Variants in ATXN1 observed in about 807,000 individuals in gnomAD.
ATXN1 encodes ataxin 1.
ATXN1 carries 8 observed loss-of-function variants against 56.4 expected under a neutral mutation model. The observed-to-expected ratio is 0.14, with a 90% CI of 0.08 to 0.26. ATXN1 has a LOEUF of 0.26. Among genes scored for constraint, ATXN1 ranks in the 10% least tolerant of loss-of-function variants. The pLI, the probability that ATXN1 is intolerant of heterozygous loss-of-function variation, is 1.00. For missense variants in ATXN1, 987 were observed against 1,106.5 expected (o/e 0.89, Z 1.53); for synonymous variants, 514 against 494.6 (o/e 1.04, Z -0.52).
intron 2 of ATXN1, chr6:16,667,142 C>T (rs940902500): frequency 2.6e-5 from 4 of 152,156 alleles, no homozygotes; most frequent in Non-Finnish European, 5.9e-5. Context: ...TATTACCCGC[C>T]TTCTAATAAA....
chr6:16,340,495 T>C (rs1761221351), intron 6 of ATXN1, among the ~76,000 whole-genome samples: 1 of 152,224 alleles, frequency 6.6e-6, no homozygotes, highest in Non-Finnish European at 1.5e-5. Flanking sequence ...ACCTCTCCTA[T>C]ATGCCTCTTA....
chr6:16,418,302 G>A (rs759969500), intron 6 of ATXN1, among the ~76,000 whole-genome samples: 1 of 152,204 alleles, frequency 6.6e-6, no homozygotes, highest in South Asian at 2.1e-4. Context: ...TTAATCCCTG[G>A]CTCCTGGCAA....
At chr6:16,356,799 G>A (rs1252501014) in intron 6 of ATXN1, among the ~76,000 whole-genome samples, 1 of 152,144 alleles carries the variant, frequency 6.6e-6, no homozygotes, top group Non-Finnish European at 1.5e-5. Flanking sequence ...CTTGAAGACA[G>A]CAAACTAATT....
chr6:16,758,482 T>C (rs1760955183), intron 1 of ATXN1, among the ~76,000 whole-genome samples: 1 of 152,230 alleles, frequency 6.6e-6, no homozygotes, highest in African/African-American at 2.4e-5. Flanking sequence ...GAACAGCTTG[T>C]TGGTCTCCTT....
intron 6 of ATXN1, among the ~76,000 whole-genome samples, chr6:16,375,135 C>T (rs1196599438): frequency 6.6e-6 from 1 of 152,218 alleles, no homozygotes; most frequent in Non-Finnish European, 1.5e-5. Flanking sequence ...CCAGCAAAGA[C>T]AGCCTGGACG....
At chr6:16,589,614 GGTT>G (rs1405169664) in intron 3 of ATXN1, among the ~76,000 whole-genome samples, 2 of 152,024 alleles carry the variant, frequency 1.3e-5, no homozygotes, top group Non-Finnish European at 2.9e-5. Flanking sequence ...TACCTCACAG[GGTT>G]GTTACGAGAG....
chr6:16,507,075 T>A (rs1047441811), intron 5 of ATXN1, among the ~76,000 whole-genome samples: 1 of 152,230 alleles, frequency 6.6e-6, no homozygotes, highest in East Asian at 1.9e-4. Flanking sequence ...CAGATCATCA[T>A]GCTTTAAGCC....
At chr6:16,562,092 AG>A (rs1366207565) in intron 4 of ATXN1, among the ~76,000 whole-genome samples, 1 of 152,172 alleles carries the variant, frequency 6.6e-6, no homozygotes, top group East Asian at 1.9e-4. Context: ...AGAAACAAAT[AG>A]GCTGATGCAG....
At chr6:16,754,164 A>C (rs1351970317) in intron 1 of ATXN1, 1 of 152,228 alleles carries the variant, frequency 6.6e-6, no homozygotes, top group Non-Finnish European at 1.5e-5. Flanking sequence ...CATTAAAATT[A>C]TATTCTTAAA....
intron 6 of ATXN1, among the ~76,000 whole-genome samples, chr6:16,443,882 C>T (rs1759574377): frequency 6.6e-6 from 1 of 152,086 alleles, no homozygotes; most frequent in Non-Finnish European, 1.5e-5. Flanking sequence ...TTTGGGAGGC[C>T]AAGGAGGGCC....
rs376107822 is a variant in ATXN1, at chr6:16,606,673, C to T, written c.-488-20766G>A. ...CCTCCCAAGTAGCTGGGACTACAGGCGCCTGCCACCAAACCTGGCTAATTT... is the reference window on the plus strand; with the variant it reads ...CCTCCCAAGTAGCTGGGACTACAGGTGCCTGCCACCAAACCTGGCTAATTT... On this transcript the variant is annotated intron_variant, in intron 3 of 7. Transcript: ENST00000436367. 5.9e-5 allele frequency among the ~76,000 whole-genome samples: 9 copies of T among 151,292 alleles called. No individual in the cohort carries two copies. In the South Asian group the frequency reaches 1.1e-3, roughly 18 times the overall value.
At chr6:16,463,943 G>A (rs1760049629) in intron 6 of ATXN1, among the ~76,000 whole-genome samples, 1 of 152,162 alleles carries the variant, frequency 6.6e-6, no homozygotes. Context: ...CTTCTACCAA[G>A]GACCCCTGGA....
At chr6:16,545,833 T>C (rs1761805148) in intron 4 of ATXN1, among the ~76,000 whole-genome samples, 1 of 152,260 alleles carries the variant, frequency 6.6e-6, no homozygotes, top group Non-Finnish European at 1.5e-5. Context: ...GTTGTATGTA[T>C]AATTAGCTGA....
intron 6 of ATXN1, among the ~76,000 whole-genome samples, chr6:16,406,456 C>G (rs983614276): frequency 2.6e-5 from 4 of 152,166 alleles, no homozygotes; most frequent in African/African-American, 7.2e-5. Flanking sequence ...TTACTAGACA[C>G]CCTATTTCCT....
chr6:16,620,995 C>T (rs943415359), intron 3 of ATXN1, among the ~76,000 whole-genome samples: 1 of 152,136 alleles, frequency 6.6e-6, no homozygotes, highest in Non-Finnish European at 1.5e-5. Context: ...TTCTACATCC[C>T]GAAACAAATG....
chr6:16,378,873 T>C (rs546319422), intron 6 of ATXN1, among the ~76,000 whole-genome samples: 7 of 152,292 alleles, frequency 4.6e-5, no homozygotes, highest in Middle Eastern at 3.4e-3. Context: ...TCTTGACTTA[T>C]TAAGTTATTA....
At chr6:16,602,376 T>A (rs9367917) in intron 3 of ATXN1, among the ~76,000 whole-genome samples, 1 of 151,994 alleles carries the variant, frequency 6.6e-6, no homozygotes, top group Non-Finnish European at 1.5e-5. Flanking sequence ...GCTTTTAATT[T>A]TTTTAAGCTT....
chr6:16,484,448 A>C (rs1276119325), intron 6 of ATXN1, among the ~76,000 whole-genome samples: 1 of 152,118 alleles, frequency 6.6e-6, no homozygotes, highest in Admixed American at 6.5e-5. Flanking sequence ...AAAAAGAAAA[A>C]AATGAAAATA....
chr6:16,457,776 C>T (rs1245649438), intron 6 of ATXN1, among the ~76,000 whole-genome samples: 1 of 152,160 alleles, frequency 6.6e-6, no homozygotes, highest in East Asian at 1.9e-4. Flanking sequence ...CTACAGCTCC[C>T]CTTCCTATTA....
Sources: gnomAD v4.1 joint callset for allele counts (sites outside exome capture counted in the v4.1 genomes callset) on GRCh38, gnomAD v4.1.1 for gene constraint, MANE v1.5 for transcripts, NCBI Gene and HGNC (gene_info 2026-07-23, HGNC 2026-07-21) for gene names.